The following IRF2 variants were observed in gnomAD, a reference collection of about 807,000 sequenced individuals.
IRF2 encodes interferon regulatory factor 2.
In IRF2, 15 loss-of-function variants were observed where a neutral mutation model predicts 40.6. The ratio of observed to expected loss-of-function variants is 0.37; its 90% confidence interval spans 0.25 to 0.57. IRF2 has a LOEUF of 0.57. Among genes scored for constraint, IRF2 ranks in the 20% least tolerant of loss-of-function variants. The pLI, the probability that IRF2 is intolerant of heterozygous loss-of-function variation, is 0.77. For synonymous variants in IRF2, 151 were observed against 165.5 expected (o/e 0.91, Z 0.67); for missense variants, 317 against 455.7 (o/e 0.70, Z 2.77).
chr4:184,388,821 C>A lies in IRF2; in HGVS notation c.987G>T (p.Glu329Asp). 6.2e-7 allele frequency: 1 copy of A among 1,613,948 alleles called. No individual in the cohort carries two copies. Among genetic ancestry groups the A allele is most frequent in the Non-Finnish European group, 8.5e-7 (1 of 1,180,026 alleles). ...TTTTCTTGATGACGCTGGCCCGGGT[C>A]TCCCGGTCTGGCCGACTGCTGCTGG... ...PASSSSRPDRETRASVIKKTS... is the reference protein window; with the variant it reads ...PASSSSRPDRDTRASVIKKTS... Residue 329 changes from glutamate (E) to aspartate (D), a missense_variant, in exon 9 of 9, where the codon GAG becomes GAT. Physicochemically the swap from Glu to Asp is conservative, Grantham distance 45. This residue lies in a region of IRF2 where 262 missense variants were observed against 334.0 expected (regional missense o/e 0.78). Coordinates refer to ENST00000393593, the MANE Select transcript of IRF2 (RefSeq NM_002199.4). The surrounding 1 kb of genome is among the most constrained non-coding windows in gnomAD (Gnocchi z 4.6).
In IRF2 at chr4:184,418,639, T is replaced by A; in HGVS notation, c.257A>T (p.Asn86Ile). ...GACTTCTTCAATATCAGGCAAGGAA[T>A]TCATGGCGCATCTGAAATTCGCCTT... ...TWKANFRCAM[N>I]SLPDIEEVKD... is the part of the protein sequence containing the mutation. The change falls in exon 4 of 9, where the codon AAT (asparagine) becomes ATT (isoleucine). Residue 86 changes from asparagine (N) to isoleucine (I), a missense_variant. By Grantham distance (149) the Asn-to-Ile change is moderately radical (BLOSUM62 -3). Transcript: ENST00000393593. 1 of 1,614,144 alleles carries A rather than the reference T, an allele frequency of 6.2e-7. No individual in the cohort carries two copies. Among genetic ancestry groups the A allele is most frequent in the Non-Finnish European group, 8.5e-7 (1 of 1,179,948 alleles).
chr4:184,452,770 CAAAAAAAAAAAAA>C (rs530415114), intron 1 of IRF2, among the ~76,000 whole-genome samples: 1 of 53,828 alleles, frequency 1.9e-5, no homozygotes, highest in African/African-American at 7.9e-5. Flanking sequence ...GACCCTGTCT[CAAAAAAAAAAAAA>C]AAAAAAAAAA....
intron 1 of IRF2, among the ~76,000 whole-genome samples, chr4:184,465,041 G>T (rs968849194): frequency 1.3e-5 from 2 of 152,136 alleles, no homozygotes; most frequent in African/African-American, 4.8e-5. Context: ...TATCAACAAG[G>T]AACTCTTTTC....
intron 7 of IRF2, among the ~76,000 whole-genome samples, chr4:184,396,663 C>T (rs530875598): frequency 5.9e-5 from 9 of 151,974 alleles, no homozygotes; most frequent in Admixed American, 2.0e-4. Context: ...CTCCAATTTC[C>T]GGGCTCAAGT....
chr4:184,466,663 T>G (rs947305397), intron 1 of IRF2, among the ~76,000 whole-genome samples: 1 of 152,208 alleles, frequency 6.6e-6, no homozygotes, highest in Admixed American at 6.5e-5. Flanking sequence ...CCTCACATAG[T>G]GAGTATCAGT....
intron 1 of IRF2, among the ~76,000 whole-genome samples, chr4:184,458,450 G>A (rs1739023170): frequency 6.6e-6 from 1 of 152,214 alleles, no homozygotes; most frequent in East Asian, 1.9e-4. Flanking sequence ...CTGAAGGAAT[G>A]ACTTCCTCTG....
chr4:184,418,411 C>G, intron 4 of IRF2, 121 bp downstream of exon 4: 1 of 1,021,302 alleles, frequency 9.8e-7, no homozygotes. Flanking sequence ...GCGGAATGAT[C>G]CCCTACAGCA....
chr4:184,463,290 T>C (rs1739207913), intron 1 of IRF2, among the ~76,000 whole-genome samples: 1 of 152,196 alleles, frequency 6.6e-6, no homozygotes, highest in South Asian at 2.1e-4. Flanking sequence ...GTACTACAAC[T>C]TTCCCCTGTA....
rs565027419 is a variant in IRF2 at position 184,403,192 on chromosome 4, T to G, written c.530-4113A>C. Reference sequence around the variant, plus strand: ...TTTCCAGCTCTCGAGTGAAAGCCCATGAGAGAAGCAGGGAAATCCCAATAT... The same window carrying G: ...TTTCCAGCTCTCGAGTGAAAGCCCAGGAGAGAAGCAGGGAAATCCCAATAT... On this transcript the variant is annotated intron_variant, in intron 6 of 8. Transcript: ENST00000393593. 3.6e-4 allele frequency among the ~76,000 whole-genome samples: 55 copies of G among 152,256 alleles called. No individual in the cohort carries two copies. In the South Asian group the frequency reaches 6.6e-3, roughly 18 times the overall value.
intron 6 of IRF2, among the ~76,000 whole-genome samples, chr4:184,402,145 AC>A (rs1274757756): frequency 6.6e-6 from 1 of 152,192 alleles, no homozygotes; most frequent in African/African-American, 2.4e-5. Context: ...CCAGCGACTA[AC>A]CATCTAGAGA....
intron 5 of IRF2, among the ~76,000 whole-genome samples, chr4:184,416,392 C>T (rs548102980): frequency 7.4e-6 from 1 of 135,590 alleles, no homozygotes; most frequent in East Asian, 2.1e-4. Context: ...TAGGTTTGTT[C>T]AATTGTAAAA....
At chr4:184,393,927 G>A (rs912074514) in intron 7 of IRF2, among the ~76,000 whole-genome samples, 4 of 152,162 alleles carry the variant, frequency 2.6e-5, no homozygotes, top group South Asian at 2.1e-4. Context: ...CCACTTCCAC[G>A]CTGACTTCTT....
At chr4:184,417,604 C>A (rs1737326100) in intron 5 of IRF2, among the ~76,000 whole-genome samples, 1 of 152,202 alleles carries the variant, frequency 6.6e-6, no homozygotes, top group Non-Finnish European at 1.5e-5. Flanking sequence ...AGCTGACACA[C>A]ACATGCACAT....
chr4:184,432,311 C>T (rs1018971935), intron 1 of IRF2, among the ~76,000 whole-genome samples: 4 of 152,246 alleles, frequency 2.6e-5, no homozygotes, highest in Non-Finnish European at 4.4e-5. Flanking sequence ...CAAGGCCACA[C>T]TCTGCCTTCC....
At chr4:184,389,159 C>A (rs1432196036) in intron 8 of IRF2, 93 bp from the exon 9 acceptor site, 13 of 1,252,184 alleles carry the variant, frequency 1.0e-5, no homozygotes, top group Admixed American at 1.9e-5. Flanking sequence ...GTGGCTCATG[C>A]CTGTAATCCC....
At chr4:184,407,225 G>T in intron 6 of IRF2, 1 of 1,289,322 alleles carries the variant, frequency 7.8e-7, no homozygotes, top group Non-Finnish European at 1.0e-6. Context: ...TCAGCATGCT[G>T]CTGGCTTCTT....
intron 5 of IRF2, 38 bp downstream of exon 5, chr4:184,418,129 C>T: frequency 6.5e-7 from 1 of 1,535,868 alleles, no homozygotes; most frequent in Non-Finnish European, 9.0e-7. Context: ...TTAATAGGAT[C>T]CCAACTTTGG....
intron 1 of IRF2, among the ~76,000 whole-genome samples, chr4:184,458,842 G>A (rs1442887973): frequency 6.6e-6 from 1 of 152,164 alleles, no homozygotes; most frequent in Non-Finnish European, 1.5e-5. Context: ...ATATTTCACT[G>A]AATTTCTTTA....
intron 1 of IRF2, among the ~76,000 whole-genome samples, chr4:184,438,221 A>C (rs887393468): frequency 3.9e-5 from 6 of 152,222 alleles, no homozygotes; most frequent in African/African-American, 1.4e-4. Flanking sequence ...AGCTCCACTT[A>C]CAGCCATTAA....
Sources: gnomAD v4.1 joint callset for allele counts (sites outside exome capture counted in the v4.1 genomes callset) on GRCh38, gnomAD v4.1.1 for gene constraint, gnomAD v4.1.1 regional missense constraint, Gnocchi (gnomAD v3.1) non-coding constraint, MANE v1.5 for transcripts, NCBI Gene and HGNC (gene_info 2026-07-23, HGNC 2026-07-21) for gene names.